The following CACNA1B variants were observed in gnomAD, a reference collection of about 807,000 sequenced individuals.
CACNA1B encodes voltage-dependent N-type calcium channel subunit alpha-1B.
A neutral mutation model predicts 247.2 loss-of-function variants in CACNA1B; 70 were observed. The ratio of observed to expected loss-of-function variants is 0.28; its 90% CI spans 0.23 to 0.35. CACNA1B has a LOEUF of 0.35. Ranked by LOEUF, CACNA1B falls within the 10% of genes least tolerant of loss-of-function variation. The pLI, the probability that CACNA1B is intolerant of heterozygous loss-of-function variation, is 1.00. For missense variants in CACNA1B, 2,367 were observed against 3,197.4 expected (o/e 0.74, Z 6.26); for synonymous variants, 1,231 against 1,294.4 (o/e 0.95, Z 1.05).
In CACNA1B at chr9:138,058,804, G is replaced by A. The variant is rs1041531583; in HGVS notation, c.4473+71G>A. The A allele has an allele frequency of 7.3e-7, 1 of 1,368,910 alleles. No individual in the cohort carries two copies. The highest frequency in any genetic ancestry group is 1.0e-6 in the Non-Finnish European group (1 of 987,430). 84.8% of individuals were successfully genotyped at this position (1,368,910 alleles called of 1,614,324 possible). ...TGGGATCTAACCCTGAGGCTGAGTG[G>A]AGAGTCAGCCTTCTTCCTCCCTGCA... On this transcript the variant is annotated intron_variant, in intron 29 of 46. Transcript: ENST00000371372. The surrounding 1 kb of genome is among the most constrained non-coding windows in gnomAD (Gnocchi z 4.7).
rs1957870129 is a variant in CACNA1B at position 137,950,873 on chromosome 9, T to C, written c.967-1401T>C. ...TAATTTTCAGTATGTTAATTCCACCTAGTGGGAACAATATGGCAGAGTATG... is the reference window on the plus strand; with the variant it reads ...TAATTTTCAGTATGTTAATTCCACCCAGTGGGAACAATATGGCAGAGTATG... On this transcript the variant is annotated intron_variant, in intron 6 of 46. Coordinates refer to ENST00000371372, the MANE Select transcript of CACNA1B (RefSeq NM_000718.4). The surrounding 1 kb of genome is among the most constrained non-coding windows in gnomAD (Gnocchi z 4.8). Among the ~76,000 whole-genome samples the C allele has an allele frequency of 6.6e-6, 1 of 152,226 alleles. No homozygotes were observed. The highest frequency in any genetic ancestry group is 2.1e-4 in the South Asian group (1 of 4,830).
chr9:138,043,903 G>A lies in CACNA1B; in HGVS notation c.3413+3G>A. 4 of 1,612,872 alleles carry A rather than the reference G, an allele frequency of 2.5e-6. No homozygotes were observed. Among genetic ancestry groups the A allele is most frequent in the Non-Finnish European group, 3.4e-6 (4 of 1,178,980 alleles). On this transcript the variant is annotated splice_donor_region_variant and intron_variant, in intron 21 of 46. Transcript: ENST00000371372. ...TTCTGTTTAAGCCCCACCAACCTGT[G>A]AGTCTCCTTGCCTGCTGGTGTGTGT...
At chr9:137,945,110 A>G (rs1466124069) in intron 6 of CACNA1B, among the ~76,000 whole-genome samples, 24 of 152,330 alleles carry the variant, frequency 1.6e-4, no homozygotes, top group Admixed American at 1.4e-3. Context: ...TGGTGTTGTA[A>G]TTAAGACTTC....
At chr9:138,004,857 A>C (rs907807251) in intron 15 of CACNA1B, among the ~76,000 whole-genome samples, 1 of 152,242 alleles carries the variant, frequency 6.6e-6, no homozygotes, top group African/African-American at 2.4e-5. Context: ...AAGAAGACAT[A>C]CAAATGGCCA....
chr9:137,904,813 A>AT (rs1330734723), intron 3 of CACNA1B, among the ~76,000 whole-genome samples: 1 of 151,746 alleles, frequency 6.6e-6, no homozygotes, highest in African/African-American at 2.4e-5. Context: ...CATTTTATCT[A>AT]TTTTTTTCCT....
intron 3 of CACNA1B, chr9:137,892,064 C>T (rs12004975): frequency 0.06 from 27,209 of 457,210 alleles, 3,106 homozygotes; most frequent in African/African-American, 0.32. Context: ...CCCTTCTTCC[C>T]CACCAGGCTG....
intron 6 of CACNA1B, among the ~76,000 whole-genome samples, chr9:137,949,082 T>TAC (rs1957837166): frequency 7.6e-5 from 2 of 26,340 alleles, no homozygotes; most frequent in East Asian, 1.1e-3. Context: ...GTGTGTGGTG[T>TAC]GTGTGTGGTG....
Position 138,059,849 on chromosome 9 carries a change from A to G in CACNA1B, c.4668+112A>G. 1 of 708,482 alleles carries G rather than the reference A, an allele frequency of 1.4e-6. No homozygotes were observed. Among genetic ancestry groups the G allele is most frequent in the Non-Finnish European group, 2.6e-6 (1 of 390,108 alleles). The allele number at this position is 708,482 out of a possible 1,614,324, so 43.9% of individuals were successfully genotyped here. On this transcript the variant is annotated intron_variant, in intron 31 of 46. Coordinates refer to ENST00000371372, the MANE Select transcript of CACNA1B (RefSeq NM_000718.4). This position sits in a 1 kb window ranked among gnomAD's most constrained non-coding sequence, Gnocchi z 4.2. ...GTTAGCCTCTTCCTGGGTTCCGCAG[A>G]ACCCCCTGGACATGTGGAGGCTTCG...
rs1278839812 is a variant in CACNA1B, at chr9:138,032,803, G to T, written c.3286+7631G>T. On this transcript the variant is annotated intron_variant, in intron 20 of 46. Coordinates refer to ENST00000371372, the MANE Select transcript of CACNA1B (RefSeq NM_000718.4). ...GTTGTTTATCTCTTGCTGCTTTCAAGATTTTTTTCCTTGTCTTTATATTTC... is the reference window on the plus strand; with the variant it reads ...GTTGTTTATCTCTTGCTGCTTTCAATATTTTTTTCCTTGTCTTTATATTTC... The T allele has an allele frequency of 1.5e-5, 6 of 390,498 alleles. No individual in the cohort carries two copies. The East Asian group carries it at 4.2e-4, about 27-fold the overall frequency. The allele number at this position is 390,498 out of a possible 1,614,324, so 24.2% of individuals were successfully genotyped here. A position where few individuals can be genotyped will look rare whatever the true frequency, so the allele number is the denominator to read the frequency against.
intron 20 of CACNA1B, among the ~76,000 whole-genome samples, chr9:138,041,515 A>G (rs1959122210): frequency 6.6e-6 from 1 of 151,690 alleles, no homozygotes; most frequent in Non-Finnish European, 1.5e-5. Context: ...TTTCTCCAAC[A>G]ATGACTTTAG....
chr9:138,023,618 C>G lies in CACNA1B; in HGVS notation c.2875C>G (p.Arg959Gly). The change falls in exon 19 of 47, where the codon CGC (arginine) becomes GGC (glycine). Residue 959 changes from arginine (R) to glycine (G), a missense_variant. Coordinates refer to ENST00000371372, the MANE Select transcript of CACNA1B (RefSeq NM_000718.4). ...GAKGERRARH[R>G]GGPRAGPREA... ...CAAGGGCGAGCGGCGCGCGCGGCACCGCGGCGGCCCCCGAGCGGGGCCCCG... is the reference window on the plus strand; with the variant it reads ...CAAGGGCGAGCGGCGCGCGCGGCACGGCGGCGGCCCCCGAGCGGGGCCCCG... The G allele has an allele frequency of 8.4e-6, 10 of 1,185,426 alleles. No homozygotes were observed. The highest frequency in any genetic ancestry group is 1.0e-5 in the Non-Finnish European group (10 of 955,790). The allele number at this position is 1,185,426 out of a possible 1,614,324, so 73.4% of individuals were successfully genotyped here. A position where few individuals can be genotyped will look rare whatever the true frequency, so the allele number is the denominator to read the frequency against.
intron 18 of CACNA1B, among the ~76,000 whole-genome samples, chr9:138,022,015 C>T (rs1457845510): frequency 6.6e-6 from 1 of 152,224 alleles, no homozygotes; most frequent in Non-Finnish European, 1.5e-5. Context: ...GCAGAAGGCC[C>T]AGAATGCAAA....
chr9:138,021,545 G>T (rs1039451611), intron 18 of CACNA1B, among the ~76,000 whole-genome samples: 1 of 152,256 alleles, frequency 6.6e-6, no homozygotes, highest in Non-Finnish European at 1.5e-5. Flanking sequence ...GGGCCCCGGA[G>T]CTGGTGGCCG....
intron 22 of CACNA1B, 95 bp downstream of exon 22, chr9:138,047,128 C>G: frequency 8.3e-7 from 1 of 1,204,302 alleles, no homozygotes; most frequent in Non-Finnish European, 1.2e-6. Context: ...GGCTGAGGTC[C>G]TGTCGTCTCA....
chr9:137,893,522 G>A (rs1450948950), intron 3 of CACNA1B, among the ~76,000 whole-genome samples: 12 of 151,654 alleles, frequency 7.9e-5, no homozygotes, highest in Admixed American at 6.6e-5. Context: ...AAGGTGGCAC[G>A]CGCCTGTAAT....
chr9:138,053,381 A>G (rs1311281147), intron 25 of CACNA1B, among the ~76,000 whole-genome samples: 1 of 152,092 alleles, frequency 6.6e-6, no homozygotes, highest in East Asian at 1.9e-4. Context: ...GTGTCAAGGA[A>G]GCTGGCGGTG....
chr9:138,052,222 C>T lies in CACNA1B; in HGVS notation c.3807+34C>T, dbSNP rs368631005. ...CTGGAGTTGGGGCTTGAGGGATGTG[C>T]TGTGTGTGTGTGCGTGTGTGTGTGT... On this transcript the variant is annotated intron_variant, in intron 25 of 46. Transcript: ENST00000371372. The surrounding 1 kb of genome is among the most constrained non-coding windows in gnomAD (Gnocchi z 5.1). The T allele has an allele frequency of 5.5e-5, 59 of 1,080,680 alleles. No individual in the cohort carries two copies. The African/African-American group carries it at 1.3e-3, about 23-fold the overall frequency. The allele number at this position is 1,080,680 out of a possible 1,614,324, so 66.9% of individuals were successfully genotyped here.
At chr9:138,074,533 G>C (rs762872091) in intron 34 of CACNA1B, among the ~76,000 whole-genome samples, 1 of 152,226 alleles carries the variant, frequency 6.6e-6, no homozygotes, top group Admixed American at 6.5e-5. Context: ...GAGCCACCGC[G>C]CCTGGCCTAA....
chr9:137,998,676 A>G (rs1958528387), intron 15 of CACNA1B, among the ~76,000 whole-genome samples: 1 of 152,248 alleles, frequency 6.6e-6, no homozygotes, highest in Admixed American at 6.5e-5. Context: ...AAAGAGGCAT[A>G]TTACATGATG....
Sources: gnomAD v4.1 joint callset for allele counts (sites outside exome capture counted in the v4.1 genomes callset) on GRCh38, gnomAD v4.1.1 for gene constraint, Gnocchi (gnomAD v3.1) non-coding constraint, MANE v1.5 for transcripts, NCBI Gene and HGNC (gene_info 2026-07-23, HGNC 2026-07-21) for gene names.